The following ZFHX3 variants were observed in gnomAD, a reference collection of about 807,000 sequenced individuals.
The protein encoded by ZFHX3 is zinc finger homeobox 3.
Under a neutral mutation model 279.1 loss-of-function variants are expected in ZFHX3, and 42 were observed. The ratio of observed to expected loss-of-function variants is 0.15; its 90% CI spans 0.12 to 0.19. The LOEUF (loss-of-function observed/expected upper bound fraction) is 0.19, where lower values mean the gene tolerates loss of function less well. Ranked by LOEUF, ZFHX3 falls within the 10% of genes least tolerant of loss-of-function variation. The pLI, the probability that ZFHX3 is intolerant of heterozygous loss-of-function variation, is 1.00. For synonymous variants in ZFHX3, 2,293 were observed against 1,957.8 expected (o/e 1.17, Z -4.52); for missense variants, 4,981 against 4,754.0 (o/e 1.05, Z -1.40).
chr16:73,869,541 GA>G (rs1299165919), intron 1 of ZFHX3, among the ~76,000 whole-genome samples: 1 of 152,220 alleles, frequency 6.6e-6, no homozygotes, highest in Non-Finnish European at 1.5e-5. Context: ...AAATGCTTTA[GA>G]AAACGCAGGA....
At chr16:73,648,627 G>A (rs768094152) in intron 2 of ZFHX3, among the ~76,000 whole-genome samples, 6 of 152,114 alleles carry the variant, frequency 3.9e-5, no homozygotes, top group Non-Finnish European at 7.4e-5. Flanking sequence ...GGCCAGGCTG[G>A]TCTCAAACCC....
chr16:73,599,718 G>A (rs1386346183), intron 2 of ZFHX3, among the ~76,000 whole-genome samples: 4 of 118,904 alleles, frequency 3.4e-5, no homozygotes, highest in African/African-American at 1.3e-4. Flanking sequence ...ATAAATTCCA[G>A]ATTAAAATGT....
rs187827444 is a variant in ZFHX3 at position 73,668,344 on chromosome 16, T to C, written c.-1547+11836A>G. Among the ~76,000 whole-genome samples the C allele has an allele frequency of 8.8e-4, 134 of 152,170 alleles. 1 individual carries two copies. Among genetic ancestry groups the C allele is most frequent in the Non-Finnish European group, 1.6e-3 (107 of 67,996 alleles). ...ATTATACTTTAAGTTCTGGGATACATGTGCAGAACGTGCAGGTTTGTTACA... is the reference window on the plus strand; with the variant it reads ...ATTATACTTTAAGTTCTGGGATACACGTGCAGAACGTGCAGGTTTGTTACA... On this transcript the variant is annotated intron_variant, in intron 2 of 17. Coordinates refer to the ZFHX3 transcript ENST00000641206.
chr16:73,198,082 C>T (rs1230781748), intron 5 of ZFHX3, among the ~76,000 whole-genome samples: 3 of 151,526 alleles, frequency 2.0e-5, no homozygotes, highest in Admixed American at 6.6e-5. Context: ...GGACTACAGG[C>T]GCGTGCTGCC....
chr16:72,843,667 C>T (rs938881459), intron 4 of ZFHX3, among the ~76,000 whole-genome samples: 8 of 151,854 alleles, frequency 5.3e-5, no homozygotes, highest in African/African-American at 1.9e-4. Context: ...GCAGTGTGGG[C>T]GGTGCAGCCT....
chr16:72,825,749 CT>C (rs1213048497), intron 5 of ZFHX3, among the ~76,000 whole-genome samples: 64 of 152,134 alleles, frequency 4.2e-4, no homozygotes, highest in Non-Finnish European at 8.7e-4. Flanking sequence ...AGTTTTGTTC[CT>C]TTGGGGTATC....
chr16:73,005,227 G>A (rs1050536958), intron 1 of ZFHX3, among the ~76,000 whole-genome samples: 3 of 152,206 alleles, frequency 2.0e-5, no homozygotes, highest in African/African-American at 7.2e-5. Context: ...TGGTGCAGTG[G>A]CTCACGTCTT....
At chr16:73,416,134 AAAAAC>A (rs2017573687) in intron 3 of ZFHX3, among the ~76,000 whole-genome samples, 2 of 151,356 alleles carry the variant, frequency 1.3e-5, no homozygotes, top group South Asian at 4.2e-4. Flanking sequence ...AAAAAAAAAA[AAAAAC>A]AAAAAACGGA....
intron 1 of ZFHX3, among the ~76,000 whole-genome samples, chr16:72,993,180 C>T (rs751663918): frequency 5.9e-5 from 9 of 152,178 alleles, no homozygotes; most frequent in Non-Finnish European, 1.2e-4. Context: ...AGGCAGGACA[C>T]ATGAAGACAG....
chr16:73,680,644 CA>C (rs2053000678), intron 1 of ZFHX3, among the ~76,000 whole-genome samples: 1 of 152,114 alleles, frequency 6.6e-6, no homozygotes, highest in Non-Finnish European at 1.5e-5. Flanking sequence ...GGGAAAGGTA[CA>C]AAGAAAGTGA....
At chr16:73,479,122 TG>T (rs2018820867) in intron 2 of ZFHX3, among the ~76,000 whole-genome samples, 1 of 151,954 alleles carries the variant, frequency 6.6e-6, no homozygotes, top group Non-Finnish European at 1.5e-5. Context: ...GCCTGCAGAG[TG>T]GTTCTGCCCT....
intron 2 of ZFHX3, chr16:73,499,587 G>C (rs1295480663): frequency 1.3e-5 from 2 of 152,168 alleles, no homozygotes; most frequent in Non-Finnish European, 2.9e-5. Flanking sequence ...GAGAGACGCA[G>C]CTTTACACTA....
At chr16:73,755,315 G>C (rs183892319) in intron 1 of ZFHX3, among the ~76,000 whole-genome samples, 3 of 152,194 alleles carry the variant, frequency 2.0e-5, no homozygotes, top group African/African-American at 7.2e-5. Flanking sequence ...CTGAATAAGA[G>C]AAAGAGGAGT....
intron 3 of ZFHX3, among the ~76,000 whole-genome samples, chr16:73,350,282 C>T (rs1028685959): frequency 6.6e-6 from 1 of 152,174 alleles, no homozygotes; most frequent in Non-Finnish European, 1.5e-5. Flanking sequence ...ATGATAGCCT[C>T]ATTAGAAAAT....
intron 2 of ZFHX3, among the ~76,000 whole-genome samples, chr16:73,474,921 A>C (rs2018738864): frequency 1.3e-5 from 2 of 152,152 alleles, no homozygotes; most frequent in African/African-American, 2.4e-5. Flanking sequence ...TTGATACATT[A>C]TTTCTTTCCA....
At chr16:72,890,543 G>C (rs2038748669) in intron 3 of ZFHX3, among the ~76,000 whole-genome samples, 1 of 150,430 alleles carries the variant, frequency 6.6e-6, no homozygotes, top group Admixed American at 6.6e-5. Context: ...TTCTCTAGCA[G>C]TTCTTTGAAA....
intron 2 of ZFHX3, among the ~76,000 whole-genome samples, chr16:73,545,590 C>T (rs2020094773): frequency 6.6e-6 from 1 of 152,110 alleles, no homozygotes; most frequent in Non-Finnish European, 1.5e-5. Flanking sequence ...AATCGGAGCC[C>T]AGTTTCCCCA....
At chr16:73,710,929 A>G (rs1233965590) in intron 1 of ZFHX3, among the ~76,000 whole-genome samples, 1 of 152,150 alleles carries the variant, frequency 6.6e-6, no homozygotes, top group Non-Finnish European at 1.5e-5. Context: ...ATTAACAGTC[A>G]CTTCCACAGC....
intron 1 of ZFHX3, among the ~76,000 whole-genome samples, chr16:73,685,538 A>G (rs760509564): frequency 5.9e-5 from 9 of 152,198 alleles, no homozygotes; most frequent in Middle Eastern, 3.2e-3. Flanking sequence ...TTGTAGCCCA[A>G]TGAGACCCTT....
Sources: gnomAD v4.1 joint callset for allele counts (sites outside exome capture counted in the v4.1 genomes callset) on GRCh38, gnomAD v4.1.1 for gene constraint, MANE v1.5 for transcripts, NCBI Gene and HGNC (gene_info 2026-07-23, HGNC 2026-07-21) for gene names.